Variants in MCCC2 observed in about 807,000 individuals in gnomAD.
MCCC2 encodes the protein methylcrotonoyl-CoA carboxylase beta chain, mitochondrial.
A neutral mutation model predicts 77.2 loss-of-function variants in MCCC2; 52 were observed. That is an observed-to-expected ratio of 0.67 (90% CI 0.54 to 0.85). The LOEUF is 0.85. Among genes scored for constraint, MCCC2 ranks in the 40% least tolerant of loss-of-function variants. MCCC2 has a pLI of 0.00. For missense variants in MCCC2, 682 were observed against 703.2 expected (o/e 0.97, Z 0.34); for synonymous variants, 253 against 248.4 (o/e 1.02, Z -0.18).
chr5:71,627,431 GAAT>G (rs1746569656), intron 7 of MCCC2, among the ~76,000 whole-genome samples: 1 of 152,094 alleles, frequency 6.6e-6, no homozygotes, highest in Non-Finnish European at 1.5e-5. Flanking sequence ...TTTTATGGCT[GAAT>G]AATATTCCAT....
At chr5:71,611,858 G>A (rs1745960830) in intron 6 of MCCC2, among the ~76,000 whole-genome samples, 1 of 149,430 alleles carries the variant, frequency 6.7e-6, no homozygotes, top group Non-Finnish European at 1.5e-5. Context: ...GTGCTACCTC[G>A]GCTCACTGCA....
At chr5:71,609,295 C>T (rs1295528075) in intron 6 of MCCC2, among the ~76,000 whole-genome samples, 1 of 151,000 alleles carries the variant, frequency 6.6e-6, no homozygotes, top group Non-Finnish European at 1.5e-5. Flanking sequence ...CTAAACTTCC[C>T]TTCTCGCTTC....
At chr5:71,616,880 C>T (rs1746171186) in intron 6 of MCCC2, among the ~76,000 whole-genome samples, 1 of 152,160 alleles carries the variant, frequency 6.6e-6, no homozygotes. Flanking sequence ...CCACTCTGTT[C>T]CTACTATCAC....
At position 71,657,090 on chromosome 5, in the gene MCCC2, G is replaced by A; in HGVS notation, c.*230G>A. On this transcript the variant is annotated 3_prime_UTR_variant, in exon 17 of 17. Transcript: ENST00000340941. The stretch of plus-strand genomic sequence containing the variant: ...GTGGCTCAGTTTTACCACCCATAAA[G>A]CGGAGACAGTAATTTACGGTTATCC... The A allele has an allele frequency of 2.1e-6, 1 of 482,138 alleles. No individual in the cohort carries two copies. Among genetic ancestry groups the A allele is most frequent in the East Asian group, 4.0e-5 (1 of 24,830 alleles). The allele number at this position is 482,138 out of a possible 1,614,324, so 29.9% of individuals were successfully genotyped here.
Position 71,626,716 on chromosome 5 carries a change from G to A in MCCC2, c.701G>A (p.Arg234His), listed in dbSNP as rs202100813. Residue 234 changes from arginine (R) to histidine (H), a missense_variant, in exon 7 of 17, where the codon CGC becomes CAC. Arg to His is a conservative substitution (Grantham distance 29). Transcript: ENST00000340941. Reference sequence around the variant, plus strand: ...ATGGCTGATGAAAACATCATTGTACGCAAGCAGGGTACCATTTTCTTGGCA... The same window carrying A: ...ATGGCTGATGAAAACATCATTGTACACAAGCAGGGTACCATTTTCTTGGCA... ...PAMADENIIV[R>H]KQGTIFLAGP... The A allele has an allele frequency of 3.0e-4, 490 of 1,614,012 alleles. No individual in the cohort carries two copies. Among genetic ancestry groups the A allele is most frequent in the Non-Finnish European group, 4.0e-4 (475 of 1,180,036 alleles).
chr5:71,649,287 C>T (rs748017403), intron 14 of MCCC2, 34 bp downstream of exon 14: 13 of 1,590,688 alleles, frequency 8.2e-6, no homozygotes, highest in Non-Finnish European at 1.1e-5. Flanking sequence ...AACAAAGAAA[C>T]ATGCTTCAAG....
Position 71,656,821 on chromosome 5 carries a change from A to G in MCCC2, c.1653A>G (p.Ala551=), listed in dbSNP as rs749529082. ...LGLSFSAALN[A]PIEKTDFGIF... ...TCAGTTTTAGTGCAGCCCTCAACGC[A>G]CCAATAGAGAAGACTGACTTCGGTA... Residue 551 remains alanine, a synonymous_variant, in exon 17 of 17, where the codon GCA becomes GCG. Coordinates refer to ENST00000340941, the MANE Select transcript of MCCC2 (RefSeq NM_022132.5). 6 of 1,614,108 alleles carry G rather than the reference A, an allele frequency of 3.7e-6. No homozygotes were observed. The highest frequency in any genetic ancestry group is 5.1e-6 in the Non-Finnish European group (6 of 1,179,962).
chr5:71,591,460 G>T (rs1283544195), intron 1 of MCCC2, among the ~76,000 whole-genome samples: 4 of 137,702 alleles, frequency 2.9e-5, no homozygotes, highest in Non-Finnish European at 6.2e-5. Flanking sequence ...TTTTGAGATG[G>T]AGTTTTGCTC....
intron 7 of MCCC2, among the ~76,000 whole-genome samples, chr5:71,631,316 A>G (rs1472239173): frequency 6.6e-6 from 1 of 152,182 alleles, no homozygotes; most frequent in African/African-American, 2.4e-5. Flanking sequence ...ATAGGCAGGC[A>G]GTCCTCTATT....
intron 6 of MCCC2, among the ~76,000 whole-genome samples, chr5:71,624,693 CTTTTTT>C (rs36140678): frequency 6.9e-5 from 7 of 101,896 alleles, no homozygotes; most frequent in Admixed American, 3.0e-4. Context: ...TTCTTTCTTT[CTTTTTT>C]TTTTTTTTTT....
intron 6 of MCCC2, among the ~76,000 whole-genome samples, chr5:71,623,639 G>T (rs1426716790): frequency 6.6e-6 from 1 of 152,160 alleles, no homozygotes; most frequent in Non-Finnish European, 1.5e-5. Flanking sequence ...TATTACAAGT[G>T]AGTCACTGGA....
At chr5:71,596,143 T>G (rs1485001770) in intron 2 of MCCC2, 137 bp from the exon 3 acceptor site, 2 of 782,040 alleles carry the variant, frequency 2.6e-6, no homozygotes, top group East Asian at 5.1e-5. Flanking sequence ...GTTGAGTGAA[T>G]GATTATTAGC....
chr5:71,644,850 C>T (rs1747234958), intron 12 of MCCC2, among the ~76,000 whole-genome samples: 1 of 151,908 alleles, frequency 6.6e-6, no homozygotes, highest in Non-Finnish European at 1.5e-5. Context: ...TATTATTACT[C>T]CTTCAACTTG....
chr5:71,651,266 C>T lies in MCCC2; in HGVS notation c.1488+1083C>T, dbSNP rs952316456. ...GTTAAGGATACCCTGAGTGGGAGGG[C>T]TCCGTCATCTATTGAGAATTGAATA... On this transcript the variant is annotated intron_variant, in intron 15 of 16. Transcript: ENST00000340941. 2.0e-5 allele frequency among the ~76,000 whole-genome samples: 3 copies of T among 152,234 alleles called. No homozygotes were observed. The East Asian group carries it at 5.8e-4, about 29-fold the overall frequency.
chr5:71,639,975 CAG>C (rs1747068413), intron 10 of MCCC2, among the ~76,000 whole-genome samples: 1 of 152,166 alleles, frequency 6.6e-6, no homozygotes, highest in Non-Finnish European at 1.5e-5. Context: ...ATGTGGCAGA[CAG>C]AAAAAGCGAA....
chr5:71,626,444 C>A (rs1746528638), intron 6 of MCCC2, among the ~76,000 whole-genome samples, 196 bp from the exon 7 acceptor site: 1 of 152,128 alleles, frequency 6.6e-6, no homozygotes, highest in African/African-American at 2.4e-5. Flanking sequence ...GAGACATAAG[C>A]CCTTCAAAAT....
Position 71,626,729 on chromosome 5 carries a change from C to T in MCCC2, c.714C>T (p.Thr238=), listed in dbSNP as rs200849501. ...ACATCATTGTACGCAAGCAGGGTACCATTTTCTTGGCAGGACCCCCCTTGG... is the reference window on the plus strand; with the variant it reads ...ACATCATTGTACGCAAGCAGGGTACTATTTTCTTGGCAGGACCCCCCTTGG... ...DENIIVRKQG[T]IFLAGPPLVK... is the part of the protein sequence containing the mutation. Residue 238 remains threonine (T), a synonymous_variant, in exon 7 of 17, where the codon ACC becomes ACT. Coordinates refer to ENST00000340941, the MANE Select transcript of MCCC2 (RefSeq NM_022132.5). 1 of 1,614,082 alleles carries T rather than the reference C, an allele frequency of 6.2e-7. No individual in the cohort carries two copies. Among genetic ancestry groups the T allele is most frequent in the Non-Finnish European group, 8.5e-7 (1 of 1,180,012 alleles).
chr5:71,627,012 C>T lies in MCCC2; in HGVS notation c.738+259C>T, dbSNP rs541937910. Among the ~76,000 whole-genome samples, 84 of 152,180 alleles carry T rather than the reference C, an allele frequency of 5.5e-4. 1 individual carries two copies. Among genetic ancestry groups the T allele is most frequent in the Non-Finnish European group, 1.1e-3 (72 of 68,036 alleles). On this transcript the variant is annotated intron_variant, in intron 7 of 16. Coordinates refer to ENST00000340941, the MANE Select transcript of MCCC2 (RefSeq NM_022132.5). ...CTCCCTATTTCCGTCACCTCTGCCA[C>T]CTCGGCACCACCATTCTACTTTCTG...
chr5:71,655,659 A>C (rs569502030), intron 16 of MCCC2, among the ~76,000 whole-genome samples: 2 of 152,178 alleles, frequency 1.3e-5, no homozygotes, highest in Non-Finnish European at 2.9e-5. Context: ...ATGTCTGTCA[A>C]TGTAAGAATG....
Sources: allele counts gnomAD v4.1 joint callset (sites outside exome capture counted in the v4.1 genomes callset), GRCh38; gene constraint gnomAD v4.1.1; transcripts MANE v1.5; gene names NCBI Gene and HGNC (gene_info 2026-07-23, HGNC 2026-07-21).